DDC: variants seen among roughly 807,000 people sequenced by gnomAD.
The protein encoded by DDC is aromatic-L-amino-acid decarboxylase.
Under a neutral mutation model 60.0 loss-of-function variants are expected in DDC, and 43 were observed. That is an observed-to-expected ratio of 0.72 (90% confidence interval 0.56 to 0.92). DDC has a LOEUF of 0.92. Ranked by LOEUF, DDC falls within the 40% of genes least tolerant of loss-of-function variation. The pLI, the probability that DDC is intolerant of heterozygous loss-of-function variation, is 0.00. For synonymous variants in DDC, 232 were observed against 234.6 expected, an observed-to-expected ratio of 0.99 and a Z score of 0.10; for missense variants, 573 against 620.2, an observed-to-expected ratio of 0.92 and a Z score of 0.81.
intron 7 of DDC, among the ~76,000 whole-genome samples, chr7:50,500,374 T>A (rs1393883407): frequency 6.6e-6 from 1 of 152,148 alleles, no homozygotes; most frequent in African/African-American, 2.4e-5. Flanking sequence ...ACCATCACCT[T>A]AGGTTAGAAT....
At chr7:50,502,974 C>T (rs998373273) in intron 7 of DDC, among the ~76,000 whole-genome samples, 3 of 152,210 alleles carry the variant, frequency 2.0e-5, no homozygotes, top group African/African-American at 7.2e-5. Flanking sequence ...ACAAAGGCAC[C>T]TGCACCTTCA....
chr7:50,502,927 C>T (rs752459100), intron 7 of DDC, among the ~76,000 whole-genome samples: 7 of 152,146 alleles, frequency 4.6e-5, no homozygotes, highest in Non-Finnish European at 8.8e-5. Context: ...TGGGCTGCAC[C>T]CTAGCTTCCT....
At chr7:50,531,889 G>A (rs1312369336) in intron 4 of DDC, 9 of 152,218 alleles carry the variant, frequency 5.9e-5, no homozygotes, top group Admixed American at 5.9e-4. Context: ...GGAGGTAGGA[G>A]GGGATGCTGG....
At chr7:50,473,893 G>T (rs1269953977) in intron 11 of DDC, among the ~76,000 whole-genome samples, 1 of 152,248 alleles carries the variant, frequency 6.6e-6, no homozygotes, top group Non-Finnish European at 1.5e-5. Flanking sequence ...ATCAGGGCCT[G>T]CGTGGTCTGC....
intron 5 of DDC, 99 bp from the exon 6 acceptor site, chr7:50,528,379 G>A (rs2044100531): frequency 6.7e-7 from 1 of 1,493,974 alleles, no homozygotes. Flanking sequence ...GCAAACACAA[G>A]GTCCCTCTTA....
At chr7:50,546,948 A>T (rs2329370) in intron 1 of DDC, among the ~76,000 whole-genome samples, 143,860 of 152,326 alleles carry the variant, frequency 0.94, 68,252 homozygotes, top group East Asian at 1. Flanking sequence ...CAAAACATCA[A>T]GGCCATGTGC....
At chr7:50,460,254 AGCCT>A (rs1430349655) in intron 14 of DDC, among the ~76,000 whole-genome samples, 1 of 101,076 alleles carries the variant, frequency 9.9e-6, no homozygotes, top group Non-Finnish European at 2.0e-5. Context: ...CCCCTGGCCC[AGCCT>A]GCCGCCCCGT....
At chr7:50,483,696 A>G (rs2153536942) in intron 9 of DDC, among the ~76,000 whole-genome samples, 1 of 152,152 alleles carries the variant, frequency 6.6e-6, no homozygotes, top group African/African-American at 2.4e-5. Flanking sequence ...AGGTCAGGAG[A>G]TCGAGACCAT....
intron 3 of DDC, 55 bp from the exon 4 acceptor site, chr7:50,538,034 G>A: frequency 1.2e-6 from 2 of 1,611,256 alleles, no homozygotes; most frequent in Non-Finnish European, 1.7e-6. Context: ...CAGAATTTGG[G>A]GGTCAGCAGT....
At chr7:50,506,410 G>A (rs935686754) in intron 6 of DDC, among the ~76,000 whole-genome samples, 8 of 152,184 alleles carry the variant, frequency 5.3e-5, no homozygotes, top group African/African-American at 9.7e-5. Context: ...TGTAAATGAC[G>A]AGTTAATGGG....
intron 7 of DDC, among the ~76,000 whole-genome samples, chr7:50,502,452 G>A (rs2043281506): frequency 6.6e-6 from 1 of 152,196 alleles, no homozygotes; most frequent in Non-Finnish European, 1.5e-5. Flanking sequence ...AATTACATCA[G>A]CCAGCTACTG....
At chr7:50,535,549 C>T (rs1474623055) in intron 4 of DDC, among the ~76,000 whole-genome samples, 2 of 152,222 alleles carry the variant, frequency 1.3e-5, no homozygotes, top group Admixed American at 6.5e-5. Context: ...GACTCTGAGC[C>T]TGGCCACAGG....
intron 13 of DDC, 103 bp from the exon 14 acceptor site, chr7:50,463,534 G>C: frequency 1.0e-6 from 1 of 961,696 alleles, no homozygotes; most frequent in South Asian, 1.3e-5. Context: ...CCGTACATCA[G>C]GAAGAAGCCG....
chr7:50,513,016 AGCGTGTGGAG>A (rs1428412149), intron 6 of DDC, among the ~76,000 whole-genome samples: 3 of 152,246 alleles, frequency 2.0e-5, no homozygotes, highest in Non-Finnish European at 2.9e-5. Flanking sequence ...TGGACAGAGC[AGCGTGTGGAG>A]GCTCACATTT....
At chr7:50,491,543 C>T (rs976941409) in intron 9 of DDC, among the ~76,000 whole-genome samples, 10 of 151,770 alleles carry the variant, frequency 6.6e-5, no homozygotes, top group Non-Finnish European at 1.3e-4. Flanking sequence ...GAAATGTGAA[C>T]GGAAAATAAA....
intron 1 of DDC, among the ~76,000 whole-genome samples, chr7:50,544,376 T>C (rs886889025): frequency 2.0e-5 from 3 of 152,340 alleles, no homozygotes; most frequent in Middle Eastern, 3.4e-3. Context: ...TTCAATAGAC[T>C]AGAAGCACAC....
At chr7:50,503,341 A>G (rs2153540456) in intron 7 of DDC, among the ~76,000 whole-genome samples, 1 of 152,344 alleles carries the variant, frequency 6.6e-6, no homozygotes, top group South Asian at 2.1e-4. Flanking sequence ...GAGTTCCCAG[A>G]GCTACATGTC....
At chr7:50,559,026 T>C (rs1401323823) in intron 1 of DDC, among the ~76,000 whole-genome samples, 1 of 152,124 alleles carries the variant, frequency 6.6e-6, no homozygotes, top group African/African-American at 2.4e-5. Context: ...GAGAAGTGCC[T>C]CTCCTCTACC....
Position 50,463,236 on chromosome 7 carries a change from C to T in DDC, c.1438G>A (p.Glu480Lys), listed in dbSNP as rs768140591. 1.2e-6 allele frequency: 2 copies of T among 1,611,314 alleles called. No homozygotes were observed. The highest frequency in any genetic ancestry group is 1.7e-6 in the Non-Finnish European group (2 of 1,178,910). ...ACCTGCAGCTGGCTTCACTCCTACT[C>T]CCTCTCTGCTCGCAGCACGTCGGCC... is the stretch of plus-strand genomic sequence containing the variant. Reference protein sequence around the residue: ...LAADVLRAERE With the variant: ...LAADVLRAERK The change falls in exon 14 of 15, where the codon GAG becomes AAG. Residue 480 changes from glutamate (E) to lysine (K), a missense_variant. Transcript: ENST00000444124.
Sources: allele counts gnomAD v4.1 joint callset (sites outside exome capture counted in the v4.1 genomes callset), GRCh38; gene constraint gnomAD v4.1.1; transcripts MANE v1.5; gene names NCBI Gene and HGNC (gene_info 2026-07-23, HGNC 2026-07-21).